FAM219A: variants seen among roughly 807,000 people sequenced by gnomAD.
The protein encoded by FAM219A is protein FAM219A.
A neutral mutation model predicts 23.4 loss-of-function variants in FAM219A; 7 were observed. That is an observed-to-expected ratio of 0.30 (90% CI 0.17 to 0.56). The LOEUF (loss-of-function observed/expected upper bound fraction) is 0.56. Ranked by LOEUF, FAM219A falls within the 20% of genes least tolerant of loss-of-function variation. The probability of loss-of-function intolerance (pLI) is 0.92; values close to 1 mark genes in which losing one functional copy is unlikely to be tolerated. For missense variants in FAM219A, 166 were observed against 246.9 expected (o/e 0.67, Z 2.20); for synonymous variants, 93 against 99.0 (o/e 0.94, Z 0.36).
chr9:34,403,737 T>A (rs1248830096), intron 2 of FAM219A, among the ~76,000 whole-genome samples: 2 of 152,160 alleles, frequency 1.3e-5, no homozygotes, highest in Non-Finnish European at 2.9e-5. Flanking sequence ...GAAAAGGAAC[T>A]GTTAGGTGGA....
At chr9:34,426,189 T>C (rs79107473) in intron 1 of FAM219A, among the ~76,000 whole-genome samples, 1 of 152,138 alleles carries the variant, frequency 6.6e-6, no homozygotes, top group African/African-American at 2.4e-5. Context: ...ATTTTTTATA[T>C]AATGACTTTC....
chr9:34,435,383 T>A (rs1340968118), intron 1 of FAM219A, among the ~76,000 whole-genome samples: 1 of 152,000 alleles, frequency 6.6e-6, no homozygotes, highest in Non-Finnish European at 1.5e-5. Flanking sequence ...TGGGAAAAAA[T>A]GATAGAGTCA....
At chr9:34,443,251 A>G (rs1428523823) in intron 1 of FAM219A, among the ~76,000 whole-genome samples, 1 of 152,198 alleles carries the variant, frequency 6.6e-6, no homozygotes, top group Non-Finnish European at 1.5e-5. Flanking sequence ...CCGAAACAGC[A>G]GTAGGACACC....
intron 1 of FAM219A, among the ~76,000 whole-genome samples, chr9:34,412,945 G>C (rs762730546): frequency 4.6e-5 from 7 of 152,164 alleles, no homozygotes; most frequent in Non-Finnish European, 1.0e-4. Context: ...GACTGAGAAG[G>C]GAAGGAATGA....
chr9:34,420,820 GA>G (rs916346779), intron 1 of FAM219A, among the ~76,000 whole-genome samples: 23 of 150,624 alleles, frequency 1.5e-4, no homozygotes, highest in Admixed American at 2.0e-4. Flanking sequence ...CTACAAAAAA[GA>G]AAAAAAAACT....
At chr9:34,404,736 CA>C (rs1348785554) in intron 2 of FAM219A, among the ~76,000 whole-genome samples, 7 of 151,532 alleles carry the variant, frequency 4.6e-5, no homozygotes, top group South Asian at 2.1e-4. Context: ...ACAACAACAA[CA>C]ACCAACACCC....
intron 1 of FAM219A, among the ~76,000 whole-genome samples, chr9:34,436,752 G>C (rs1822937468): frequency 6.6e-6 from 1 of 150,402 alleles, no homozygotes; most frequent in Non-Finnish European, 1.5e-5. Flanking sequence ...AATTTAGAAA[G>C]ACCTAGATTA....
chr9:34,400,738 T>G lies in FAM219A; in HGVS notation c.*226A>C. On this transcript the variant is annotated 3_prime_UTR_variant, in exon 6 of 6. Coordinates refer to ENST00000651358, the MANE Select transcript of FAM219A (RefSeq NM_001184940.2). ...TAACTGAACAAACGGCCCCCACCCC[T>G]CCTCAGCTCCCGGGTGGAGAGAGAC... The G allele has an allele frequency of 2.3e-6, 1 of 435,760 alleles. No homozygotes were observed. The allele number at this position is 435,760 out of a possible 1,614,324, so 27.0% of individuals were successfully genotyped here. A position where few individuals can be genotyped will look rare whatever the true frequency, so the allele number is the denominator to read the frequency against.
intron 1 of FAM219A, among the ~76,000 whole-genome samples, chr9:34,454,050 G>A (rs1011720367): frequency 2.6e-5 from 4 of 152,214 alleles, no homozygotes; most frequent in African/African-American, 9.6e-5. Context: ...GGGAGAATCT[G>A]TGCTCAGAAA....
chr9:34,442,798 G>T (rs545553829), intron 1 of FAM219A, among the ~76,000 whole-genome samples: 1 of 152,222 alleles, frequency 6.6e-6, no homozygotes, highest in East Asian at 1.9e-4. Context: ...TTTTAGGGGT[G>T]ATAATGGTAT....
At chr9:34,442,064 AT>A (rs1472051486) in intron 1 of FAM219A, among the ~76,000 whole-genome samples, 7 of 152,368 alleles carry the variant, frequency 4.6e-5, no homozygotes, top group East Asian at 1.9e-4. Context: ...AAAAAATAGG[AT>A]AAACATATGT....
chr9:34,402,864 C>T lies in FAM219A; in HGVS notation c.161-57G>A, dbSNP rs185150251. On this transcript the variant is annotated intron_variant, in intron 2 of 5. Transcript: ENST00000651358. The stretch of plus-strand genomic sequence containing the variant: ...CTGCCCCTGAGGCCACCCTGTCTTA[C>T]TACTCAGGGCAGCCTGGGCTGGGCC... The T allele has an allele frequency of 3.3e-6, 5 of 1,527,714 alleles. No homozygotes were observed. In the South Asian group the frequency reaches 5.8e-5, roughly 18 times the overall value. The allele number at this position is 1,527,714 out of a possible 1,614,324, so 94.6% of individuals were successfully genotyped here.
chr9:34,444,555 T>C (rs1823302183), intron 1 of FAM219A, among the ~76,000 whole-genome samples: 2 of 152,198 alleles, frequency 1.3e-5, no homozygotes, highest in African/African-American at 4.8e-5. Context: ...CTGCTACCAA[T>C]GGGAGAGGGG....
intron 1 of FAM219A, among the ~76,000 whole-genome samples, chr9:34,409,085 C>T (rs1160652314): frequency 2.6e-5 from 4 of 152,214 alleles, no homozygotes; most frequent in African/African-American, 9.7e-5. Context: ...ATGAAACTGC[C>T]AGCTCCTTTG....
intron 1 of FAM219A, among the ~76,000 whole-genome samples, chr9:34,438,282 GCT>G (rs1184197394): frequency 6.6e-6 from 1 of 152,196 alleles, no homozygotes; most frequent in East Asian, 1.9e-4. Flanking sequence ...GCCACCCCCT[GCT>G]CCACGGCGCC....
At chr9:34,424,823 T>C (rs1822398682) in intron 1 of FAM219A, among the ~76,000 whole-genome samples, 1 of 152,170 alleles carries the variant, frequency 6.6e-6, no homozygotes, top group African/African-American at 2.4e-5. Flanking sequence ...CCTTTTTGTT[T>C]TTTGAAATAG....
intron 5 of FAM219A, 111 bp downstream of exon 5, chr9:34,401,555 G>T: frequency 7.8e-7 from 1 of 1,282,898 alleles, no homozygotes; most frequent in Non-Finnish European, 1.1e-6. Flanking sequence ...GCACCACCCA[G>T]CCTTGCCCAG....
chr9:34,458,299 G>T lies in FAM219A; in HGVS notation c.-36C>A. The T allele has an allele frequency of 7.4e-7, 1 of 1,345,906 alleles. No individual in the cohort carries two copies. The highest frequency in any genetic ancestry group is 1.9e-5 in the South Asian group (1 of 51,856). 83.4% of individuals were successfully genotyped at this position (1,345,906 alleles called of 1,614,324 possible). On this transcript the variant is annotated 5_prime_UTR_variant, in exon 1 of 6. Transcript: ENST00000651358. This position sits in a 1 kb window ranked among gnomAD's most constrained non-coding sequence, Gnocchi z 6.6. ...GGCGAGCGGGCCAGGGGCCGGGCGCGGCCGCGGACGCCGACAGGACCGCGC... is the reference window on the plus strand; with the variant it reads ...GGCGAGCGGGCCAGGGGCCGGGCGCTGCCGCGGACGCCGACAGGACCGCGC...
intron 1 of FAM219A, among the ~76,000 whole-genome samples, chr9:34,449,408 C>A (rs1255131582): frequency 1.3e-5 from 2 of 152,158 alleles, no homozygotes; most frequent in African/African-American, 4.8e-5. Flanking sequence ...GGTAGAGGGA[C>A]ATAAGGGAAA....
Sources: gnomAD v4.1 joint callset for allele counts (sites outside exome capture counted in the v4.1 genomes callset) on GRCh38, gnomAD v4.1.1 for gene constraint, Gnocchi (gnomAD v3.1) non-coding constraint, MANE v1.5 for transcripts, NCBI Gene and HGNC (gene_info 2026-07-23, HGNC 2026-07-21) for gene names.